The following IER2 variants were observed in gnomAD, a reference collection of about 807,000 sequenced individuals.
The protein encoded by IER2 is immediate early response 2.
For synonymous variants in IER2, 198 were observed against 149.6 expected, an observed-to-expected ratio of 1.32 and a Z score of -2.36; for missense variants, 372 against 325.4, an observed-to-expected ratio of 1.14 and a Z score of -1.10.
In IER2 at chr19:13,153,507, C is replaced by T; in HGVS notation, c.321C>T (p.Thr107=). Residue 107 remains threonine, a synonymous_variant, in exon 2 of 2, where the codon ACC becomes ACT. Coordinates refer to ENST00000292433, the MANE Select transcript of IER2 (RefSeq NM_004907.3). ...AGGAGGCGCCGACAGCCGAGGAGACCTCCGCCTGCTGTGCCCCGCGCCCCG... is the reference window on the plus strand; with the variant it reads ...AGGAGGCGCCGACAGCCGAGGAGACTTCCGCCTGCTGTGCCCCGCGCCCCG... ...DTQEAPTAEE[T]SACCAPRPAK... 1 of 1,583,518 alleles carries T rather than the reference C, an allele frequency of 6.3e-7. No individual in the cohort carries two copies. Among genetic ancestry groups the T allele is most frequent in the Non-Finnish European group, 8.6e-7 (1 of 1,165,846 alleles).
chr19:13,154,094 T>G lies in IER2; in HGVS notation c.*236T>G. ...AGTCTGAGCCGGGGGCGCGGGCGCC[T>G]TCCGCAGAGACCTGCGCCCACAGGT... On this transcript the variant is annotated 3_prime_UTR_variant, in exon 2 of 2. Transcript: ENST00000292433. The G allele has an allele frequency of 2.1e-6, 1 of 484,764 alleles. No homozygotes were observed. The highest frequency in any genetic ancestry group is 3.7e-6 in the Non-Finnish European group (1 of 269,610). 30.0% of individuals were successfully genotyped at this position (484,764 alleles called of 1,614,324 possible). A position where few individuals can be genotyped will look rare whatever the true frequency, so the allele number is the denominator to read the frequency against.
chr19:13,153,198 G>A lies in IER2; in HGVS notation c.12G>A (p.Gln4=). MEV[Q]KEAQRIMTLS... is the part of the protein sequence containing the mutation. ...GCCGTCGAGTCGCCATGGAAGTGCAGAAAGAGGCACAGCGCATCATGACCC... is the reference window on the plus strand; with the variant it reads ...GCCGTCGAGTCGCCATGGAAGTGCAAAAAGAGGCACAGCGCATCATGACCC... Residue 4 remains glutamine (Q), a synonymous_variant, in exon 2 of 2, where the codon CAG becomes CAA. Transcript: ENST00000292433. The A allele has an allele frequency of 6.6e-7, 1 of 1,512,828 alleles. No homozygotes were observed. The highest frequency in any genetic ancestry group is 8.8e-7 in the Non-Finnish European group (1 of 1,130,042). The allele number at this position is 1,512,828 out of a possible 1,614,324, so 93.7% of individuals were successfully genotyped here.
In IER2 at chr19:13,153,636, G is replaced by T; in HGVS notation, c.450G>T (p.Glu150Asp). The change falls in exon 2 of 2, where the codon GAG (glutamate) becomes GAT (aspartate). Residue 150 changes from glutamate to aspartate, a missense_variant. Physicochemically the swap from Glu to Asp is conservative, Grantham distance 45. Coordinates refer to ENST00000292433, the MANE Select transcript of IER2 (RefSeq NM_004907.3). ...KARLEEKEEE[E>D]GASSEVADRL... ...GTCTGGAAGAAAAGGAAGAAGAGGA[G>T]GGAGCGTCATCCGAAGTCGCCGATC... The T allele has an allele frequency of 6.2e-7, 1 of 1,613,226 alleles. No individual in the cohort carries two copies. Among genetic ancestry groups the T allele is most frequent in the Non-Finnish European group, 8.5e-7 (1 of 1,179,752 alleles).
chr19:13,151,675 G>T (rs1313025658), intron 1 of IER2, among the ~76,000 whole-genome samples: 1 of 152,202 alleles, frequency 6.6e-6, no homozygotes, highest in East Asian at 1.9e-4. Context: ...GGAAGGAAGT[G>T]AAACTCTCCT....
At position 13,150,670 on chromosome 19, in the gene IER2, C is replaced by T; in HGVS notation, c.-244+118C>T. The T allele has an allele frequency of 6.3e-6, 1 of 158,024 alleles. No individual in the cohort carries two copies. Among genetic ancestry groups the T allele is most frequent in the Non-Finnish European group, 1.4e-5 (1 of 71,406 alleles). The allele number at this position is 158,024 out of a possible 1,614,324, so 9.8% of individuals were successfully genotyped here. A position where few individuals can be genotyped will look rare whatever the true frequency, so the allele number is the denominator to read the frequency against. On this transcript the variant is annotated intron_variant, in intron 1 of 1. Coordinates refer to ENST00000292433, the MANE Select transcript of IER2 (RefSeq NM_004907.3). The surrounding 1 kb of genome is among the most constrained non-coding windows in gnomAD (Gnocchi z 4.0). ...CTGAGCTGGCACCTGGGAGATCGTCCCATCCCAGGGTCCCGAGTGTCAGGT... is the reference window on the plus strand; with the variant it reads ...CTGAGCTGGCACCTGGGAGATCGTCTCATCCCAGGGTCCCGAGTGTCAGGT...
At chr19:13,151,002 G>T (rs905837465) in intron 1 of IER2, among the ~76,000 whole-genome samples, 1 of 152,134 alleles carries the variant, frequency 6.6e-6, no homozygotes, top group Non-Finnish European at 1.5e-5. Context: ...TCTCCAGGGG[G>T]GCCCTCTGTG....
At position 13,153,909 on chromosome 19, in the gene IER2, C is replaced by T; in HGVS notation, c.*51C>T. ...CCAGAGCGCGCGTCGAACCGTCGGC[C>T]CGAGGGCGCAGACCTGAGGCGAGGC... On this transcript the variant is annotated 3_prime_UTR_variant, in exon 2 of 2. Coordinates refer to ENST00000292433, the MANE Select transcript of IER2 (RefSeq NM_004907.3). 1 of 1,383,778 alleles carries T rather than the reference C, an allele frequency of 7.2e-7. No homozygotes were observed. The highest frequency in any genetic ancestry group is 9.4e-7 in the Non-Finnish European group (1 of 1,065,290). 85.7% of individuals were successfully genotyped at this position (1,383,778 alleles called of 1,614,324 possible).
chr19:13,153,315 C>T lies in IER2; in HGVS notation c.129C>T (p.Ala43=), dbSNP rs747778245. ...AGCTGTCGCTGGTCATGCGCAGCGC[C>T]CGGGAGCTCTACCTCTCGGCCAAGG... The part of the protein sequence containing the change: ...SLQLSLVMRS[A]RELYLSAKVE... Residue 43 remains alanine (A), a synonymous_variant, in exon 2 of 2, where the codon GCC becomes GCT. Transcript: ENST00000292433. The T allele has an allele frequency of 4.4e-6, 7 of 1,603,448 alleles. No homozygotes were observed. Among genetic ancestry groups the T allele is most frequent in the East Asian group, 2.3e-5 (1 of 44,258 alleles).
intron 1 of IER2, among the ~76,000 whole-genome samples, chr19:13,151,629 T>A (rs2145646259): frequency 6.6e-6 from 1 of 152,174 alleles, no homozygotes; most frequent in South Asian, 2.1e-4. Flanking sequence ...CGCTGCGGGG[T>A]GCTTTCCTGG....
In IER2 at chr19:13,153,418, G is replaced by A. The variant is rs1464947729; in HGVS notation, c.232G>A (p.Glu78Lys). Residue 78 changes from glutamate to lysine, a missense_variant, in exon 2 of 2, where the codon GAG (glutamate) becomes AAG (lysine). Glu to Lys is a moderately conservative substitution (Grantham distance 56). Coordinates refer to ENST00000292433, the MANE Select transcript of IER2 (RefSeq NM_004907.3). ...DPRLHPPREA[E>K]STAETATPDG... ...TCGCCTGCACCCGCCCCGAGAAGCC[G>A]AGTCCACGGCCGAGACAGCGACCCC... 2 of 1,593,182 alleles carry A rather than the reference G, an allele frequency of 1.3e-6. No individual in the cohort carries two copies. Among genetic ancestry groups the A allele is most frequent in the Non-Finnish European group, 1.7e-6 (2 of 1,172,518 alleles).
At position 13,153,448 on chromosome 19, in the gene IER2, G is replaced by A. The variant is rs1026429991; in HGVS notation, c.262G>A (p.Gly88Ser). The A allele has an allele frequency of 4.4e-6, 7 of 1,595,444 alleles. No individual in the cohort carries two copies. Among genetic ancestry groups the A allele is most frequent in the Admixed American group, 3.4e-5 (2 of 58,074 alleles). Residue 88 changes from glycine (G) to serine (S), a missense_variant, in exon 2 of 2, where the codon GGT (glycine) becomes AGT (serine). Physicochemically the swap from Gly to Ser is moderately conservative, Grantham distance 56. Coordinates refer to ENST00000292433, the MANE Select transcript of IER2 (RefSeq NM_004907.3). ...ESTAETATPD[G>S]EHPFPEPMDT... ...CACGGCCGAGACAGCGACCCCCGAC[G>A]GTGAGCACCCGTTTCCGGAGCCAAT...
In IER2 at chr19:13,153,403, C is replaced by T. The variant is rs1423489859; in HGVS notation, c.217C>T (p.Pro73Ser). The T allele has an allele frequency of 6.3e-7, 1 of 1,592,018 alleles. No homozygotes were observed. The highest frequency in any genetic ancestry group is 1.3e-5 in the African/African-American group (1 of 74,496). Residue 73 changes from proline to serine, a missense_variant, in exon 2 of 2, where the codon CCG becomes TCG. Transcript: ENST00000292433. ...AALPSDPRLH[P>S]PREAESTAET... ...CCTCCCCTCTGACCCTCGCCTGCAC[C>T]CGCCCCGAGAAGCCGAGTCCACGGC...
At position 13,153,819 on chromosome 19, in the gene IER2, C is replaced by T; in HGVS notation, c.633C>T (p.Ser211=). ...EAKPACRPAD[S]MLNVLVRAVV... ...AGCCCGCTTGCCGCCCGGCGGACAG[C>T]ATGCTCAACGTGCTCGTGCGGGCCG... is the stretch of plus-strand genomic sequence containing the variant. Residue 211 remains serine, a synonymous_variant, in exon 2 of 2, where the codon AGC becomes AGT. Coordinates refer to ENST00000292433, the MANE Select transcript of IER2 (RefSeq NM_004907.3). 6.7e-7 allele frequency: 1 copy of T among 1,492,524 alleles called. No individual in the cohort carries two copies. Among genetic ancestry groups the T allele is most frequent in the Non-Finnish European group, 8.9e-7 (1 of 1,128,272 alleles). 92.5% of individuals were successfully genotyped at this position (1,492,524 alleles called of 1,614,324 possible). A position where few individuals can be genotyped will look rare whatever the true frequency, so the allele number is the denominator to read the frequency against.
Position 13,153,262 on chromosome 19 carries a change from G to A in IER2, c.76G>A (p.Gly26Ser), listed in dbSNP as rs765523893. Residue 26 changes from glycine (G) to serine (S), a missense_variant, in exon 2 of 2, where the codon GGT becomes AGT. By Grantham distance (56) the Gly-to-Ser change is moderately conservative (BLOSUM62 0). Coordinates refer to ENST00000292433, the MANE Select transcript of IER2 (RefSeq NM_004907.3). ...GATGTATCACTCCCGCATGCAGCGC[G>A]GTGGCCTGCGGCTGCACCGGAGTCT... ...WKMYHSRMQR[G>S]GLRLHRSLQL... is the part of the protein sequence containing the mutation. The A allele has an allele frequency of 2.5e-6, 4 of 1,592,114 alleles. No individual in the cohort carries two copies. Among genetic ancestry groups the A allele is most frequent in the Non-Finnish European group, 3.4e-6 (4 of 1,169,456 alleles).
At chr19:13,151,269 G>A (rs1242678115) in intron 1 of IER2, among the ~76,000 whole-genome samples, 1 of 152,104 alleles carries the variant, frequency 6.6e-6, no homozygotes, top group Non-Finnish European at 1.5e-5. Flanking sequence ...TGGGGTCTCC[G>A]TGGTAAGGTT....
In IER2 at chr19:13,153,861, AC is replaced by A; in HGVS notation, c.*7del. The A allele has an allele frequency of 2.1e-6, 3 of 1,415,078 alleles. No homozygotes were observed. The highest frequency in any genetic ancestry group is 2.7e-6 in the Non-Finnish European group (3 of 1,091,730). 87.7% of individuals were successfully genotyped at this position (1,415,078 alleles called of 1,614,324 possible). On this transcript the variant is annotated 3_prime_UTR_variant, in exon 2 of 2. Transcript: ENST00000292433. ...TGCGGGCCGTGGTGGCCTTCTGAGG[AC>A]CCCGAGCGGCGCTGCCGGAGCCCAG...
At position 13,153,496 on chromosome 19, in the gene IER2, G is replaced by C. The variant is rs772356653; in HGVS notation, c.310G>C (p.Ala104Pro). The change falls in exon 2 of 2, where the codon GCC (alanine) becomes CCC (proline). Residue 104 changes from alanine to proline, a missense_variant. Transcript: ENST00000292433. ...AATGGACACGCAGGAGGCGCCGACA[G>C]CCGAGGAGACCTCCGCCTGCTGTGC... ...EPMDTQEAPT[A>P]EETSACCAPR... The C allele has an allele frequency of 6.3e-7, 1 of 1,585,620 alleles. No individual in the cohort carries two copies. The highest frequency in any genetic ancestry group is 8.6e-7 in the Non-Finnish European group (1 of 1,167,126).
Position 13,153,405 on chromosome 19 carries a change from G to C in IER2, c.219G>C (p.Pro73=). 6.3e-7 allele frequency: 1 copy of C among 1,590,238 alleles called. No homozygotes were observed. Among genetic ancestry groups the C allele is most frequent in the Non-Finnish European group, 8.5e-7 (1 of 1,171,430 alleles). The change falls in exon 2 of 2, where the codon CCG becomes CCC. Residue 73 remains proline (P), a synonymous_variant. Coordinates refer to ENST00000292433, the MANE Select transcript of IER2 (RefSeq NM_004907.3). ...TCCCCTCTGACCCTCGCCTGCACCCGCCCCGAGAAGCCGAGTCCACGGCCG... is the reference window on the plus strand; with the variant it reads ...TCCCCTCTGACCCTCGCCTGCACCCCCCCCGAGAAGCCGAGTCCACGGCCG... The part of the protein sequence containing the change: ...AALPSDPRLH[P]PREAESTAET...
rs765135662 is a variant in IER2 at position 13,153,702 on chromosome 19, C to T, written c.516C>T (p.Pro172=). The change falls in exon 2 of 2, where the codon CCC becomes CCT. Residue 172 remains proline (P), a synonymous_variant. Transcript: ENST00000292433. ...PPPAQAEGAF[P]NLARVLQRRF... ...CGGCGCAAGCGGAGGGCGCCTTTCCCAACCTGGCCCGCGTCCTGCAGAGGC... is the reference window on the plus strand; with the variant it reads ...CGGCGCAAGCGGAGGGCGCCTTTCCTAACCTGGCCCGCGTCCTGCAGAGGC... The T allele has an allele frequency of 1.2e-6, 2 of 1,610,614 alleles. No individual in the cohort carries two copies. Among genetic ancestry groups the T allele is most frequent in the Admixed American group, 3.3e-5 (2 of 59,972 alleles).
Sources: gnomAD v4.1 joint callset for allele counts (sites outside exome capture counted in the v4.1 genomes callset) on GRCh38, gnomAD v4.1.1 for gene constraint, Gnocchi (gnomAD v3.1) non-coding constraint, MANE v1.5 for transcripts, NCBI Gene and HGNC (gene_info 2026-07-23, HGNC 2026-07-21) for gene names.